Variants in KIF26B observed in about 807,000 individuals in gnomAD.
KIF26B encodes kinesin family member 26B.
In KIF26B, 63 loss-of-function variants were observed where a neutral mutation model predicts 151.2. The ratio of observed to expected loss-of-function variants is 0.42; its 90% CI spans 0.34 to 0.51. The LOEUF is 0.51. Among genes scored for constraint, KIF26B ranks in the 20% least tolerant of loss-of-function variants. KIF26B has a pLI of 0.07. For synonymous variants in KIF26B, 1,357 were observed against 1,262.1 expected (o/e 1.08, Z -1.59); for missense variants, 2,813 against 2,913.6 (o/e 0.97, Z 0.79).
intron 2 of KIF26B, among the ~76,000 whole-genome samples, chr1:245,267,634 G>GCACA (rs66498609): frequency 0.051 from 6,999 of 136,048 alleles, 236 homozygotes; most frequent in Middle Eastern, 0.08. Flanking sequence ...GCTAAGTAAT[G>GCACA]CACACACACA....
intron 6 of KIF26B, among the ~76,000 whole-genome samples, chr1:245,607,286 GAGAGTTTAA>G (rs1288160976): frequency 1.3e-5 from 2 of 152,070 alleles, no homozygotes; most frequent in Non-Finnish European, 2.9e-5. Flanking sequence ...AGGGTGAGTG[GAGAGTTTAA>G]AGACCTTATC....
intron 2 of KIF26B, among the ~76,000 whole-genome samples, chr1:245,296,765 A>G (rs1418876584): frequency 1.3e-5 from 2 of 151,932 alleles, no homozygotes; most frequent in Non-Finnish European, 2.9e-5. Context: ...CATGCCCGCC[A>G]TTTTCCTAGG....
intron 5 of KIF26B, among the ~76,000 whole-genome samples, chr1:245,561,899 G>C (rs1235715799): frequency 6.6e-6 from 1 of 152,156 alleles, no homozygotes; most frequent in Non-Finnish European, 1.5e-5. Context: ...GTCAGAGGTG[G>C]TCCTGCCTCT....
At chr1:245,211,156 A>T (rs748294472) in intron 2 of KIF26B, among the ~76,000 whole-genome samples, 2 of 152,132 alleles carry the variant, frequency 1.3e-5, no homozygotes, top group Non-Finnish European at 2.9e-5. Flanking sequence ...AAAGGCCCTG[A>T]TTCCAGCCAA....
chr1:245,207,026 C>T lies in KIF26B; in HGVS notation c.465+50343C>T, dbSNP rs371260805. ...GGGATGTGTTTTGCTTTGACGATTTCGGCTTAGGGTCCTCGGAGAGAGAAG... is the reference window on the plus strand; with the variant it reads ...GGGATGTGTTTTGCTTTGACGATTTTGGCTTAGGGTCCTCGGAGAGAGAAG... On this transcript the variant is annotated intron_variant, in intron 2 of 14. Coordinates refer to ENST00000407071, the MANE Select transcript of KIF26B (RefSeq NM_018012.4). Among the ~76,000 whole-genome samples, 30 of 152,264 alleles carry T rather than the reference C, an allele frequency of 2.0e-4. 1 individual carries two copies. Among genetic ancestry groups the T allele is most frequent in the South Asian group, 1.2e-3 (6 of 4,814 alleles).
At chr1:245,160,263 T>G (rs1479301189) in intron 2 of KIF26B, among the ~76,000 whole-genome samples, 1 of 152,202 alleles carries the variant, frequency 6.6e-6, no homozygotes, top group Non-Finnish European at 1.5e-5. Flanking sequence ...TTATATCGTT[T>G]CTCTTTTGGT....
At chr1:245,400,394 T>C (rs1353871483) in intron 3 of KIF26B, among the ~76,000 whole-genome samples, 1 of 152,176 alleles carries the variant, frequency 6.6e-6, no homozygotes, top group Admixed American at 6.5e-5. Context: ...GGCATATAAT[T>C]TTAATATTTT....
intron 2 of KIF26B, among the ~76,000 whole-genome samples, chr1:245,182,166 A>G (rs963123196): frequency 3.3e-5 from 5 of 152,136 alleles, no homozygotes; most frequent in African/African-American, 1.2e-4. Flanking sequence ...AGCCATCATC[A>G]CTATCTAATT....
intron 10 of KIF26B, among the ~76,000 whole-genome samples, chr1:245,646,759 C>T (rs569028124): frequency 6.6e-6 from 1 of 152,318 alleles, no homozygotes; most frequent in South Asian, 2.1e-4. Context: ...GCATGGGACG[C>T]TCCTGGTGAC....
intron 4 of KIF26B, among the ~76,000 whole-genome samples, chr1:245,472,419 T>C (rs1252686943): frequency 6.6e-6 from 1 of 152,160 alleles, no homozygotes; most frequent in Non-Finnish European, 1.5e-5. Context: ...AAACCAGAGG[T>C]GTCTTGGATT....
At position 245,611,875 on chromosome 1, in the gene KIF26B, GCCA is replaced by G; in HGVS notation, c.2001_2003del (p.His667del). On this transcript the variant is annotated inframe_deletion, in exon 9 of 15. Coordinates refer to ENST00000407071, the MANE Select transcript of KIF26B (RefSeq NM_018012.4). ...GATGCCGCCATTGCCTCCCGCAGGA[GCCA>G]CCAACAGGACTGTGATGAGGACGAC... 1 of 1,613,842 alleles carries G rather than the reference GCCA, an allele frequency of 6.2e-7. No individual in the cohort carries two copies. Among genetic ancestry groups the G allele is most frequent in the South Asian group, 1.1e-5 (1 of 91,072 alleles).
chr1:245,291,520 G>A (rs961685810), intron 2 of KIF26B, among the ~76,000 whole-genome samples: 5 of 152,100 alleles, frequency 3.3e-5, no homozygotes, highest in African/African-American at 9.7e-5. Context: ...GGCTGTCAGC[G>A]CCCAGGTCCT....
At chr1:245,649,690 C>CA (rs1043133221) in intron 10 of KIF26B, among the ~76,000 whole-genome samples, 4 of 151,744 alleles carry the variant, frequency 2.6e-5, no homozygotes, top group South Asian at 2.1e-4. Flanking sequence ...CCACCCCCCC[C>CA]AAAAAACACA....
At chr1:245,176,016 A>AT (rs903702814) in intron 2 of KIF26B, among the ~76,000 whole-genome samples, 4 of 150,012 alleles carry the variant, frequency 2.7e-5, no homozygotes, top group East Asian at 2.0e-4. Flanking sequence ...AGATATAGAT[A>AT]TTTTTTTTGA....
intron 10 of KIF26B, among the ~76,000 whole-genome samples, chr1:245,668,373 C>T (rs2044240794): frequency 6.6e-6 from 1 of 152,180 alleles, no homozygotes; most frequent in Admixed American, 6.6e-5. Flanking sequence ...CAATAGCTAC[C>T]TTCTTTTCAA....
At chr1:245,169,130 C>T (rs764419194) in intron 2 of KIF26B, among the ~76,000 whole-genome samples, 2 of 151,798 alleles carry the variant, frequency 1.3e-5, no homozygotes, top group African/African-American at 2.4e-5. Context: ...CACTTGGTGC[C>T]CCTCCCTCGT....
At position 245,607,702 on chromosome 1, in the gene KIF26B, G is replaced by C; in HGVS notation, c.1609G>C (p.Gly537Arg). Residue 537 changes from glycine (G) to arginine (R), a missense_variant, in exon 7 of 15, where the codon GGG (glycine) becomes CGG (arginine). By Grantham distance (125) the Gly-to-Arg change is moderately radical. This residue lies in a region of KIF26B where 77 missense variants were observed against 136.9 expected (regional missense o/e 0.56). Coordinates refer to ENST00000407071, the MANE Select transcript of KIF26B (RefSeq NM_018012.4). ...VAEVIQSVVN[G>R]ADGCVFCFGH... ...AGAGGTGATCCAGTCTGTGGTCAACGGGGCAGATGGCTGCGTGTTCTGTTT... is the reference window on the plus strand; with the variant it reads ...AGAGGTGATCCAGTCTGTGGTCAACCGGGCAGATGGCTGCGTGTTCTGTTT... 1 of 1,613,122 alleles carries C rather than the reference G, an allele frequency of 6.2e-7. No individual in the cohort carries two copies. The highest frequency in any genetic ancestry group is 8.5e-7 in the Non-Finnish European group (1 of 1,179,556).
intron 5 of KIF26B, among the ~76,000 whole-genome samples, chr1:245,598,393 A>G (rs773496040): frequency 6.6e-6 from 1 of 152,190 alleles, no homozygotes; most frequent in Non-Finnish European, 1.5e-5. Flanking sequence ...ACATTTGCCC[A>G]TAGCCCTCCT....
At chr1:245,185,847 T>C (rs1668991684) in intron 2 of KIF26B, among the ~76,000 whole-genome samples, 1 of 151,290 alleles carries the variant, frequency 6.6e-6, no homozygotes. Context: ...AAAGAAAAGC[T>C]ATTTATATTT....
Sources: allele counts gnomAD v4.1 joint callset (sites outside exome capture counted in the v4.1 genomes callset), GRCh38; gene constraint gnomAD v4.1.1; regional missense constraint gnomAD v4.1.1; transcripts MANE v1.5; gene names NCBI Gene and HGNC (gene_info 2026-07-23, HGNC 2026-07-21).